SMARCC1: variants seen among roughly 807,000 people sequenced by gnomAD.
The protein encoded by SMARCC1 is SWI/SNF complex subunit SMARCC1.
SMARCC1 carries 43 observed loss-of-function variants against 147.4 expected under a neutral mutation model. The ratio of observed to expected loss-of-function variants is 0.29; its 90% confidence interval spans 0.23 to 0.38. SMARCC1 has a LOEUF of 0.38. Among genes scored for constraint, SMARCC1 ranks in the 10% least tolerant of loss-of-function variants. The probability of loss-of-function intolerance (pLI) is 1.00; values close to 1 mark genes in which losing one functional copy is unlikely to be tolerated. For synonymous variants in SMARCC1, 495 were observed against 484.4 expected, an observed-to-expected ratio of 1.02 and a Z score of -0.29; for missense variants, 1,119 against 1,381.1, an observed-to-expected ratio of 0.81 and a Z score of 3.01.
At position 47,701,514 on chromosome 3, in the gene SMARCC1, C is replaced by T. The variant is rs931188038; in HGVS notation, c.1041-112G>A. The T allele has an allele frequency of 2.0e-4, 207 of 1,035,274 alleles. 1 individual carries two copies. In the East Asian group the frequency reaches 4.8e-3, roughly 24 times the overall value. 64.1% of individuals were successfully genotyped at this position (1,035,274 alleles called of 1,614,324 possible). On this transcript the variant is annotated intron_variant, in intron 10 of 27. Coordinates refer to ENST00000254480, the MANE Select transcript of SMARCC1 (RefSeq NM_003074.4). Reference sequence around the variant, plus strand: ...TTTGTAGAACATATGCTCAAGATCACTTTAAAAGACAAACAGTAGGTCGGT... The same window carrying T: ...TTTGTAGAACATATGCTCAAGATCATTTTAAAAGACAAACAGTAGGTCGGT...
intron 1 of SMARCC1, among the ~76,000 whole-genome samples, chr3:47,778,210 C>CAAA (rs762399509): frequency 2.4e-5 from 3 of 127,028 alleles, no homozygotes; most frequent in Admixed American, 8.2e-5. Flanking sequence ...AAACAAAAAA[C>CAAA]AAAAAACAAA....
At chr3:47,764,188 C>G (rs1195503205) in intron 2 of SMARCC1, among the ~76,000 whole-genome samples, 1 of 152,068 alleles carries the variant, frequency 6.6e-6, no homozygotes, top group Non-Finnish European at 1.5e-5. Context: ...AATCACACAC[C>G]ACCATGCACG....
intron 14 of SMARCC1, among the ~76,000 whole-genome samples, chr3:47,684,240 A>C (rs1198552590): frequency 5.9e-5 from 8 of 135,792 alleles, no homozygotes; most frequent in Admixed American, 4.4e-4. Context: ...ACTCCGTCTC[A>C]AAAAAAAAAA....
rs201697105 is a variant in SMARCC1 at position 47,772,838 on chromosome 3, G to A, written c.294C>T (p.Asn98=). Residue 98 remains asparagine, a synonymous_variant, in exon 2 of 28, where the codon AAC becomes AAT. Transcript: ENST00000254480. ...TTACAGGGAGTTTGGTGAAGGCCGG[G>A]TTGGTGACATGCTTCCCAAAGGCAT... The part of the protein sequence containing the change: ...QEDAFGKHVT[N]PAFTKLPAKC... 1.5e-5 allele frequency: 24 copies of A among 1,613,044 alleles called. No homozygotes were observed. The highest frequency in any genetic ancestry group is 3.3e-4 in the Middle Eastern group (2 of 6,040).
chr3:47,622,094 G>C, intron 25 of SMARCC1, 113 bp downstream of exon 25: 1 of 921,376 alleles, frequency 1.1e-6, no homozygotes. Flanking sequence ...AAGGACAGAA[G>C]TTAGCCATGG....
intron 19 of SMARCC1, chr3:47,663,895 G>A: frequency 6.8e-7 from 1 of 1,479,706 alleles, no homozygotes. Context: ...CAGCCATCTT[G>A]CTGGGTCTAG....
In SMARCC1 at chr3:47,689,378, A is replaced by G. The variant is rs1164092645; in HGVS notation, c.1263+9T>C. ...AGCTCTCTCACACCAGGCTTAACTG[A>G]ATTGTTACCTTTCCTCCTGCTGTGA... On this transcript the variant is annotated intron_variant, in intron 13 of 27. Transcript: ENST00000254480. The G allele has an allele frequency of 6.2e-7, 1 of 1,610,298 alleles. No individual in the cohort carries two copies. Among genetic ancestry groups the G allele is most frequent in the East Asian group, 2.2e-5 (1 of 44,850 alleles).
chr3:47,720,720 G>A lies in SMARCC1; in HGVS notation c.662C>T (p.Pro221Leu), dbSNP rs980691252. The A allele has an allele frequency of 7.4e-6, 12 of 1,610,738 alleles. No homozygotes were observed. The highest frequency in any genetic ancestry group is 4.0e-5 in the African/African-American group (3 of 74,774). ...CACTTGCTTCTCTTTTCTCATCACC[G>A]GTCTCAACCATTCTTCTGGAAGAGA... is the stretch of plus-strand genomic sequence containing the variant. The part of the protein sequence containing the change: ...SSQDDEEWLR[P>L]VMRKEKQVLV... The change falls in exon 7 of 28, where the codon CCG (proline) becomes CTG (leucine). Residue 221 changes from proline (P) to leucine (L), a missense_variant. Coordinates refer to ENST00000254480, the MANE Select transcript of SMARCC1 (RefSeq NM_003074.4).
chr3:47,737,360 C>G (rs1362418461), intron 4 of SMARCC1, among the ~76,000 whole-genome samples: 1 of 152,120 alleles, frequency 6.6e-6, no homozygotes, highest in Non-Finnish European at 1.5e-5. Context: ...GACTGCACCA[C>G]TGCACTCCAG....
intron 13 of SMARCC1, among the ~76,000 whole-genome samples, chr3:47,688,683 G>A (rs781081254): frequency 6.6e-6 from 1 of 152,128 alleles, no homozygotes; most frequent in Non-Finnish European, 1.5e-5. Flanking sequence ...GCTCAAGAAA[G>A]GTCAAAGTAT....
chr3:47,684,741 C>A (rs925862465), intron 14 of SMARCC1, among the ~76,000 whole-genome samples: 3 of 152,070 alleles, frequency 2.0e-5, no homozygotes, highest in African/African-American at 7.2e-5. Context: ...CCATGCTGGG[C>A]AATTTTTTTC....
intron 15 of SMARCC1, 196 bp from the exon 16 acceptor site, chr3:47,678,507 T>C: frequency 2.4e-6 from 1 of 420,742 alleles, no homozygotes; most frequent in Non-Finnish European, 4.2e-6. Flanking sequence ...AACAACTGTT[T>C]ATTAATGTAT....
At chr3:47,618,667 T>C (rs1483744522) in intron 25 of SMARCC1, among the ~76,000 whole-genome samples, 1 of 152,136 alleles carries the variant, frequency 6.6e-6, no homozygotes. Flanking sequence ...GGTTATACAC[T>C]GCCCCTTGGT....
At chr3:47,763,370 G>A (rs1270327254) in intron 2 of SMARCC1, among the ~76,000 whole-genome samples, 1 of 149,394 alleles carries the variant, frequency 6.7e-6, no homozygotes. Flanking sequence ...CCAGGAGTTT[G>A]GGACCAGCCT....
intron 13 of SMARCC1, among the ~76,000 whole-genome samples, chr3:47,688,225 A>T (rs1252922104): frequency 1.3e-5 from 2 of 151,880 alleles, no homozygotes; most frequent in Non-Finnish European, 2.9e-5. Flanking sequence ...ATGCCATTGC[A>T]CTCCAGCCTG....
intron 10 of SMARCC1, among the ~76,000 whole-genome samples, chr3:47,705,946 C>T (rs1051342574): frequency 3.9e-5 from 6 of 152,144 alleles, no homozygotes; most frequent in African/African-American, 1.2e-4. Context: ...AACCAAAGCT[C>T]ACTAAGTACA....
chr3:47,611,473 T>C (rs1402511409), intron 25 of SMARCC1, among the ~76,000 whole-genome samples: 1 of 152,238 alleles, frequency 6.6e-6, no homozygotes, highest in South Asian at 2.1e-4. Context: ...GTTTTACATA[T>C]ACTGGATTAT....
intron 4 of SMARCC1, among the ~76,000 whole-genome samples, chr3:47,737,216 AC>A (rs1403848537): frequency 1.1e-4 from 16 of 151,844 alleles, no homozygotes. Flanking sequence ...ACATGGCAAA[AC>A]CCCATTTCTA....
chr3:47,620,891 T>C (rs1409310142), intron 25 of SMARCC1, among the ~76,000 whole-genome samples: 1 of 152,220 alleles, frequency 6.6e-6, no homozygotes, highest in Non-Finnish European at 1.5e-5. Context: ...TAACTGCTGA[T>C]AAGACTGTAC....
Sources: allele counts gnomAD v4.1 joint callset (sites outside exome capture counted in the v4.1 genomes callset), GRCh38; gene constraint gnomAD v4.1.1; transcripts MANE v1.5; gene names NCBI Gene and HGNC (gene_info 2026-07-23, HGNC 2026-07-21).